The following PRR16 variants were observed in gnomAD, a reference collection of about 807,000 sequenced individuals.
The protein encoded by PRR16 is proline rich 16.
A neutral mutation model predicts 18.2 loss-of-function variants in PRR16; 6 were observed. The ratio of observed to expected loss-of-function variants is 0.33; its 90% CI spans 0.18 to 0.65. The LOEUF (loss-of-function observed/expected upper bound fraction) is 0.65. PRR16 is among the 30% of genes least tolerant of loss of function. PRR16 has a pLI of 0.74. For synonymous variants in PRR16, 151 were observed against 147.8 expected (o/e 1.02, Z -0.16); for missense variants, 412 against 376.6 (o/e 1.09, Z -0.78).
At chr5:120,530,271 ATATATATATATATTTATT>A (rs1326115066) in intron 1 of PRR16, among the ~76,000 whole-genome samples, 8 of 123,882 alleles carry the variant, frequency 6.5e-5, no homozygotes, top group African/African-American at 1.8e-4. Context: ...ATATATATAT[ATATATATATATATTTATT>A]TATTTATTTA....
At chr5:120,555,690 T>A (rs1331478216) in intron 1 of PRR16, among the ~76,000 whole-genome samples, 1 of 151,846 alleles carries the variant, frequency 6.6e-6, no homozygotes, top group Admixed American at 6.6e-5. Flanking sequence ...CTTCAACATA[T>A]GAATTTTGGC....
At chr5:120,490,428 T>C (rs1441643244) in intron 1 of PRR16, among the ~76,000 whole-genome samples, 1 of 152,230 alleles carries the variant, frequency 6.6e-6, no homozygotes, top group Admixed American at 6.5e-5. Context: ...ATACCCTTTC[T>C]TCCAGTTGAT....
the PRR16 span, among the ~76,000 whole-genome samples, chr5:120,730,319 A>G: frequency 6.6e-6 from 1 of 152,180 alleles, no homozygotes; most frequent in East Asian, 1.9e-4. Flanking sequence ...ACAGAGACAC[A>G]CATGGATTTT....
intron 1 of PRR16, among the ~76,000 whole-genome samples, chr5:120,573,901 G>T (rs1008680060): frequency 2.7e-5 from 2 of 73,714 alleles, no homozygotes; most frequent in African/African-American, 9.8e-5. Flanking sequence ...TATGATATGT[G>T]TGTATATATA....
intron 1 of PRR16, among the ~76,000 whole-genome samples, chr5:120,477,750 T>C (rs1749488012): frequency 6.6e-6 from 1 of 152,198 alleles, no homozygotes. Context: ...ATGGTTCTAA[T>C]GTCCTCCCCA....
At chr5:120,489,312 C>T (rs1234258397) in intron 1 of PRR16, among the ~76,000 whole-genome samples, 3 of 152,116 alleles carry the variant, frequency 2.0e-5, no homozygotes, top group African/African-American at 7.2e-5. Context: ...TCTCTAAGGA[C>T]TTGCCTTACG....
At chr5:120,614,535 T>G (rs188915996) in intron 1 of PRR16, among the ~76,000 whole-genome samples, 8 of 152,346 alleles carry the variant, frequency 5.3e-5, no homozygotes, top group Non-Finnish European at 1.0e-4. Flanking sequence ...TTTAATGATT[T>G]ACTTCAAACA....
the PRR16 span, among the ~76,000 whole-genome samples, chr5:120,758,729 C>G: frequency 2.0e-4 from 30 of 152,144 alleles, no homozygotes; most frequent in Admixed American, 7.2e-4. Flanking sequence ...CCTGAGACCT[C>G]CCCAGCCATG....
intron 1 of PRR16, among the ~76,000 whole-genome samples, chr5:120,532,320 A>G (rs1412272637): frequency 2.0e-5 from 3 of 152,118 alleles, no homozygotes; most frequent in Non-Finnish European, 4.4e-5. Context: ...CCTTTGAAGG[A>G]TATTAAGATA....
the PRR16 span, among the ~76,000 whole-genome samples, chr5:120,711,357 T>C: frequency 7.2e-5 from 11 of 152,136 alleles, no homozygotes; most frequent in Non-Finnish European, 1.6e-4. Flanking sequence ...CAGTGTAGAG[T>C]AGTAATCATG....
chr5:120,668,030 A>T (rs1015652119), intron 1 of PRR16, among the ~76,000 whole-genome samples: 5 of 152,060 alleles, frequency 3.3e-5, no homozygotes, highest in Admixed American at 3.3e-4. Flanking sequence ...TGTCTCGTGG[A>T]TCTGTCTAAT....
the PRR16 span, among the ~76,000 whole-genome samples, chr5:120,762,138 T>C: frequency 4.6e-5 from 7 of 152,188 alleles, no homozygotes; most frequent in African/African-American, 1.7e-4. Context: ...GCTGATTGCA[T>C]GTATCTTTGG....
chr5:120,775,169 T>G, the PRR16 span, among the ~76,000 whole-genome samples: 2 of 152,326 alleles, frequency 1.3e-5, no homozygotes. Flanking sequence ...ACTTTCCACT[T>G]TAACCAACAT....
intron 1 of PRR16, among the ~76,000 whole-genome samples, chr5:120,595,039 A>G (rs1326826774): frequency 6.6e-6 from 1 of 152,118 alleles, no homozygotes; most frequent in Non-Finnish European, 1.5e-5. Context: ...TTCTGAACAT[A>G]GGAACTGGTA....
intron 1 of PRR16, among the ~76,000 whole-genome samples, chr5:120,665,529 G>C (rs1374277335): frequency 6.6e-6 from 1 of 152,116 alleles, no homozygotes; most frequent in Non-Finnish European, 1.5e-5. Context: ...TGAAGTCCTT[G>C]CCCATGTCTA....
chr5:120,757,702 T>C, the PRR16 span, among the ~76,000 whole-genome samples: 1 of 152,054 alleles, frequency 6.6e-6, no homozygotes, highest in African/African-American at 2.4e-5. Context: ...GTAATAATTA[T>C]AGATAATACC....
the PRR16 span, among the ~76,000 whole-genome samples, chr5:120,776,201 C>T: frequency 1.3e-5 from 2 of 152,038 alleles, no homozygotes; most frequent in African/African-American, 2.4e-5. Context: ...GTGATTTTCC[C>T]TCCCTTGTTG....
intron 1 of PRR16, among the ~76,000 whole-genome samples, chr5:120,494,344 C>A (rs1319835906): frequency 6.6e-6 from 1 of 151,732 alleles, no homozygotes. Context: ...CTGTTCATGT[C>A]TTTTATTTTT....
the PRR16 span, among the ~76,000 whole-genome samples, chr5:120,749,346 A>T: frequency 4.6e-5 from 7 of 152,076 alleles, no homozygotes; most frequent in African/African-American, 1.7e-4. Flanking sequence ...CAAAATTGTT[A>T]TGTTAGGAGT....
Sources: gnomAD v4.1 joint callset for allele counts (sites outside exome capture counted in the v4.1 genomes callset) on GRCh38, gnomAD v4.1.1 for gene constraint, MANE v1.5 for transcripts, NCBI Gene and HGNC (gene_info 2026-07-23, HGNC 2026-07-21) for gene names.